MTUS2: variants seen among roughly 807,000 people sequenced by gnomAD.
The protein encoded by MTUS2 is microtubule-associated tumor suppressor candidate 2.
MTUS2 carries 40 observed loss-of-function variants against 114.1 expected under a neutral mutation model. The ratio of observed to expected loss-of-function variants is 0.35; its 90% CI spans 0.27 to 0.46. The LOEUF (loss-of-function observed/expected upper bound fraction) is 0.46. MTUS2 is among the 20% of genes least tolerant of loss of function. The probability of loss-of-function intolerance (pLI) is 1.00; values close to 1 mark genes in which losing one functional copy is unlikely to be tolerated. For missense variants in MTUS2, 1,679 were observed against 1,705.4 expected, an observed-to-expected ratio of 0.98 and a Z score of 0.27; for synonymous variants, 688 against 672.0, an observed-to-expected ratio of 1.02 and a Z score of -0.37.
At chr13:29,340,718 G>T (rs964793285) in intron 7 of MTUS2, among the ~76,000 whole-genome samples, 6 of 152,092 alleles carry the variant, frequency 3.9e-5, no homozygotes, top group Admixed American at 2.0e-4. Context: ...GTTCTTTAGT[G>T]GTGATTTCTG....
chr13:29,006,176 T>A (rs895172196), intron 2 of MTUS2, among the ~76,000 whole-genome samples: 1 of 152,052 alleles, frequency 6.6e-6, no homozygotes, highest in Non-Finnish European at 1.5e-5. Flanking sequence ...AGTGGGTAGA[T>A]GAAGGGTGAG....
intron 2 of MTUS2, among the ~76,000 whole-genome samples, chr13:28,905,431 C>T (rs1161235444): frequency 6.6e-6 from 1 of 151,616 alleles, no homozygotes; most frequent in Non-Finnish European, 1.5e-5. Flanking sequence ...TACATCCCAT[C>T]AATACCTCAT....
At chr13:29,230,748 T>G (rs7999446) in intron 5 of MTUS2, among the ~76,000 whole-genome samples, 125,541 of 152,198 alleles carry the variant, frequency 0.82, 51,820 homozygotes, top group East Asian at 0.89. Flanking sequence ...CAGGCCTTTA[T>G]TTTTATTTCT....
Position 29,389,361 on chromosome 13 carries a change from A to G in MTUS2, c.3117+29888A>G, listed in dbSNP as rs1193352196. Among the ~76,000 whole-genome samples, 103 of 77,676 alleles carry G rather than the reference A, an allele frequency of 1.3e-3. 14 individuals are homozygous for G. Among genetic ancestry groups the G allele is most frequent in the Non-Finnish European group, 1.9e-3 (77 of 40,146 alleles). The allele number at this position is 77,676 out of a possible 152,430, so 51.0% of individuals were successfully genotyped here. A position where few individuals can be genotyped will look rare whatever the true frequency, so the allele number is the denominator to read the frequency against. ...TGTATGCACGTGTGTGTATATATGT[A>G]TGCACGTGTGTGTATATATGTATAC... is the stretch of plus-strand genomic sequence containing the variant. On this transcript the variant is annotated intron_variant, in intron 8 of 15. Coordinates refer to ENST00000612955, the MANE Select transcript of MTUS2 (RefSeq NM_001033602.4).
chr13:28,823,447 A>G (rs1372103028), intron 1 of MTUS2, among the ~76,000 whole-genome samples: 1 of 152,152 alleles, frequency 6.6e-6, no homozygotes, highest in African/African-American at 2.4e-5. Flanking sequence ...GTGAATTTGG[A>G]TGCCTTTAGA....
At chr13:29,428,085 T>C (rs956075213) in intron 8 of MTUS2, among the ~76,000 whole-genome samples, 1 of 152,208 alleles carries the variant, frequency 6.6e-6, no homozygotes, top group African/African-American at 2.4e-5. Flanking sequence ...GAATGGTGTG[T>C]GTATGTCAGC....
chr13:28,894,147 T>G (rs1386681551), intron 2 of MTUS2, among the ~76,000 whole-genome samples: 1 of 151,588 alleles, frequency 6.6e-6, no homozygotes, highest in Non-Finnish European at 1.5e-5. Context: ...AATTCATATA[T>G]TGAAGTTCCA....
intron 4 of MTUS2, among the ~76,000 whole-genome samples, chr13:29,046,139 G>A (rs1212262551): frequency 6.9e-6 from 1 of 145,186 alleles, no homozygotes; most frequent in Non-Finnish European, 1.5e-5. Context: ...TTTGAGCCAG[G>A]GTCTTGCTCT....
intron 2 of MTUS2, among the ~76,000 whole-genome samples, chr13:29,017,665 T>C (rs987568264): frequency 6.6e-6 from 1 of 151,486 alleles, no homozygotes; most frequent in Admixed American, 6.6e-5. Flanking sequence ...GTTGCTCAGT[T>C]GGGAAGGGTG....
chr13:29,400,335 G>A (rs1293123019), intron 8 of MTUS2, among the ~76,000 whole-genome samples: 1 of 152,196 alleles, frequency 6.6e-6, no homozygotes, highest in Non-Finnish European at 1.5e-5. Flanking sequence ...TGCGTGAAGA[G>A]CTCCAGTGAC....
intron 8 of MTUS2, among the ~76,000 whole-genome samples, chr13:29,407,424 CATT>C (rs1216701687): frequency 2.0e-5 from 3 of 151,614 alleles, no homozygotes; most frequent in Admixed American, 1.3e-4. Flanking sequence ...TATATTACCA[CATT>C]ATTCTCCAGA....
At chr13:28,898,417 T>G (rs1324713085) in intron 2 of MTUS2, among the ~76,000 whole-genome samples, 1 of 152,200 alleles carries the variant, frequency 6.6e-6, no homozygotes, top group Non-Finnish European at 1.5e-5. Context: ...CCTCGTGGGT[T>G]GTTGTTTGGG....
At chr13:29,350,198 A>T (rs748836081) in intron 7 of MTUS2, among the ~76,000 whole-genome samples, 1 of 152,030 alleles carries the variant, frequency 6.6e-6, no homozygotes, top group Non-Finnish European at 1.5e-5. Flanking sequence ...GAAGTGGCTT[A>T]ACTTGAATTC....
chr13:29,168,427 G>A (rs1270085875), intron 5 of MTUS2, among the ~76,000 whole-genome samples: 5 of 152,172 alleles, frequency 3.3e-5, no homozygotes, highest in Non-Finnish European at 7.3e-5. Flanking sequence ...CTAGCAGTCA[G>A]TGTTCTTTTG....
chr13:29,370,912 C>T (rs1384345624), intron 8 of MTUS2, among the ~76,000 whole-genome samples: 1 of 152,134 alleles, frequency 6.6e-6, no homozygotes, highest in Non-Finnish European at 1.5e-5. Context: ...GACTGTAGAA[C>T]AAGATTACCG....
intron 2 of MTUS2, among the ~76,000 whole-genome samples, chr13:28,938,392 AAT>A (rs1047857851): frequency 2.6e-5 from 4 of 152,050 alleles, no homozygotes; most frequent in Middle Eastern, 3.4e-3. Flanking sequence ...AAAAAAAAAA[AAT>A]AGTCTTTTTG....
chr13:28,889,686 T>C (rs912537977), intron 2 of MTUS2, among the ~76,000 whole-genome samples: 1 of 152,080 alleles, frequency 6.6e-6, no homozygotes, highest in African/African-American at 2.4e-5. Context: ...TGGGGAAACA[T>C]GGACAAAACA....
At chr13:29,360,245 A>G (rs1870109478) in intron 8 of MTUS2, among the ~76,000 whole-genome samples, 1 of 152,200 alleles carries the variant, frequency 6.6e-6, no homozygotes, top group South Asian at 2.1e-4. Flanking sequence ...CCTGGTATCT[A>G]TACATGGGAG....
intron 1 of MTUS2, among the ~76,000 whole-genome samples, chr13:28,830,601 T>A (rs531790863): frequency 6.6e-6 from 1 of 152,046 alleles, no homozygotes; most frequent in Middle Eastern, 3.4e-3. Context: ...AATTATATAC[T>A]ATGAGGAACA....
Sources: allele counts gnomAD v4.1 joint callset (sites outside exome capture counted in the v4.1 genomes callset), GRCh38; gene constraint gnomAD v4.1.1; transcripts MANE v1.5; gene names NCBI Gene and HGNC (gene_info 2026-07-23, HGNC 2026-07-21).